DDX54: variants seen among roughly 807,000 people sequenced by gnomAD.
DDX54 encodes DEAD-box helicase 54, also known as ATP-dependent RNA helicase DDX54.
DDX54 carries 67 observed loss-of-function variants against 105.5 expected under a neutral mutation model. That is an observed-to-expected ratio of 0.64 (90% CI 0.52 to 0.78). The LOEUF (loss-of-function observed/expected upper bound fraction) is 0.78. DDX54 is among the 30% of genes least tolerant of loss of function. The pLI, the probability that DDX54 is intolerant of heterozygous loss-of-function variation, is 0.00. For missense variants in DDX54, 1,206 were observed against 1,230.5 expected (o/e 0.98, Z 0.30); for synonymous variants, 514 against 509.9 (o/e 1.01, Z -0.11).
Position 113,177,001 on chromosome 12 carries a change from C to T in DDX54, c.656+51G>A, listed in dbSNP as rs553178304. ...GCCACCACCACAGTTCTCTTACACC[C>T]CCACCACTAGGAAGGGATCTCAGGG... On this transcript the variant is annotated intron_variant, in intron 6 of 19. Coordinates refer to ENST00000306014, the MANE Select transcript of DDX54 (RefSeq NM_024072.4). 60 of 1,613,628 alleles carry T rather than the reference C, an allele frequency of 3.7e-5. 2 individuals carry two copies. The East Asian group carries it at 1.3e-3, about 36-fold the overall frequency.
chr12:113,158,570 CCAT>C lies in DDX54; in HGVS notation c.*304_*306del. The C allele has an allele frequency of 1.7e-5, 6 of 356,760 alleles. No individual in the cohort carries two copies. Among genetic ancestry groups the C allele is most frequent in the Non-Finnish European group, 3.0e-5 (6 of 199,094 alleles). 22.1% of individuals were successfully genotyped at this position (356,760 alleles called of 1,614,324 possible). ...GCACTCAGGGCTCTGACCGGTGCAG[CCAT>C]GACCTCTGAACCCAGAACACATGGA... On this transcript the variant is annotated 3_prime_UTR_variant, in exon 20 of 20. Transcript: ENST00000306014. The surrounding 1 kb of genome is among the most constrained non-coding windows in gnomAD (Gnocchi z 4.9).
In DDX54 at chr12:113,161,973, C is replaced by T. The variant is rs750388968; in HGVS notation, c.2220G>A (p.Val740=). Residue 740 remains valine (V), a synonymous_variant, in exon 18 of 20, where the codon GTG becomes GTA. Coordinates refer to ENST00000306014, the MANE Select transcript of DDX54 (RefSeq NM_024072.4). ...TCTTGTCTTCCTGTCCTGACTGTCC[C>T]ACAAACCGCTTCTTCTTACGGTCCC... ...LKWDRKKKRF[V]GQSGQEDKKK... is the part of the protein sequence containing the mutation. 3.7e-6 allele frequency: 6 copies of T among 1,613,282 alleles called. No individual in the cohort carries two copies. In the African/African-American group the frequency reaches 8.0e-5, roughly 22 times the overall value.
In DDX54 at chr12:113,179,897, C is replaced by A. The variant is rs60638453; in HGVS notation, c.375+38G>T. The A allele has an allele frequency of 5.3e-4, 846 of 1,610,994 alleles. 7 individuals are homozygous for A. In the African/African-American group the frequency reaches 8.4e-3, roughly 16 times the overall value. ...GCCAGAGAGGAGGGCCATGTCACTC[C>A]TCCCTCGCCCTCACCCGTCGACCGC... On this transcript the variant is annotated intron_variant, in intron 3 of 19. Transcript: ENST00000306014.
intron 11 of DDX54, among the ~76,000 whole-genome samples, chr12:113,171,344 G>A (rs1027795119): frequency 7.2e-5 from 11 of 152,302 alleles, no homozygotes; most frequent in African/African-American, 2.6e-4. Context: ...GCTCACGCCT[G>A]TAATCACAGC....
intron 17 of DDX54, 29 bp from the exon 18 acceptor site, chr12:113,162,026 C>G: frequency 6.2e-7 from 1 of 1,607,636 alleles, no homozygotes; most frequent in Non-Finnish European, 8.5e-7. Context: ...GGACGGCTGC[C>G]GTGGAGGGAA....
intron 14 of DDX54, among the ~76,000 whole-genome samples, chr12:113,164,756 C>T (rs1432560632): frequency 1.3e-5 from 2 of 151,598 alleles, no homozygotes; most frequent in Admixed American, 1.3e-4. Context: ...CCAGGCCAGG[C>T]ACCGTGGCTC....
intron 1 of DDX54, among the ~76,000 whole-genome samples, chr12:113,183,222 A>G (rs1952486803): frequency 6.6e-6 from 1 of 152,240 alleles, no homozygotes; most frequent in Admixed American, 6.5e-5. Flanking sequence ...ACGGGCACAG[A>G]GAGGTTAAGC....
rs552504925 is a variant in DDX54, at chr12:113,157,974, G to T, written c.*903C>A. 8.9e-6 allele frequency: 4 copies of T among 447,254 alleles called. No homozygotes were observed. The Admixed American group carries it at 1.4e-4, about 15-fold the overall frequency. The allele number at this position is 447,254 out of a possible 1,614,324, so 27.7% of individuals were successfully genotyped here. On this transcript the variant is annotated 3_prime_UTR_variant, in exon 20 of 20. Coordinates refer to ENST00000306014, the MANE Select transcript of DDX54 (RefSeq NM_024072.4). ...AGGCCCTCCCTGCCAGGGTGGTTGG[G>T]GCATGAAAAAAAACTCTTTGTCAGG...
chr12:113,168,425 G>C (rs1383380955), intron 12 of DDX54, among the ~76,000 whole-genome samples: 4 of 152,256 alleles, frequency 2.6e-5, no homozygotes, highest in African/African-American at 4.8e-5. Flanking sequence ...GTGCATGCGG[G>C]TAGGCCTGTC....
chr12:113,182,448 G>T (rs1952477730), intron 1 of DDX54, among the ~76,000 whole-genome samples: 1 of 152,162 alleles, frequency 6.6e-6, no homozygotes, highest in Non-Finnish European at 1.5e-5. Context: ...TTTACCATCT[G>T]GCCCTTGATA....
rs1952267183 is a variant in DDX54 at position 113,165,869 on chromosome 12, G to A, written c.1578C>T (p.Pro526=). ...QQQYVRSRPA[P]SPESIKRAKE... is the part of the protein sequence containing the mutation. The stretch of plus-strand genomic sequence containing the variant: ...TGGCCCTCTTGATGGACTCAGGCGA[G>A]GGCGCCGGGCGTGAGCGCACATACT... Residue 526 remains proline (P), a synonymous_variant, in exon 13 of 20, where the codon CCC becomes CCT. Coordinates refer to ENST00000306014, the MANE Select transcript of DDX54 (RefSeq NM_024072.4). 1 of 1,613,614 alleles carries A rather than the reference G, an allele frequency of 6.2e-7. No individual in the cohort carries two copies. Among genetic ancestry groups the A allele is most frequent in the Non-Finnish European group, 8.5e-7 (1 of 1,179,966 alleles).
At chr12:113,171,388 G>A (rs1952337652) in intron 11 of DDX54, among the ~76,000 whole-genome samples, 1 of 152,068 alleles carries the variant, frequency 6.6e-6, no homozygotes, top group Admixed American at 6.6e-5. Context: ...CATCACTTGA[G>A]GTTAGGAGTT....
chr12:113,166,564 G>A (rs1952278840), intron 12 of DDX54, among the ~76,000 whole-genome samples: 2 of 152,110 alleles, frequency 1.3e-5, no homozygotes, highest in Non-Finnish European at 2.9e-5. Flanking sequence ...AGCCGGGCAT[G>A]GTGGTGTGCC....
chr12:113,162,001 C>A lies in DDX54; in HGVS notation c.2196-4G>T, dbSNP rs371658984. On this transcript the variant is annotated splice_region_variant and splice_polypyrimidine_tract_variant and intron_variant, in intron 17 of 19. Coordinates refer to ENST00000306014, the MANE Select transcript of DDX54 (RefSeq NM_024072.4). ...AAACCGCTTCTTCTTACGGTCCCTG[C>A]AGGAGAGGGAGTTGGGACGGCTGCC... 5 of 1,612,288 alleles carry A rather than the reference C, an allele frequency of 3.1e-6. No homozygotes were observed. The highest frequency in any genetic ancestry group is 4.2e-6 in the Non-Finnish European group (5 of 1,179,792).
At position 113,165,670 on chromosome 12, in the gene DDX54, T is replaced by C; in HGVS notation, c.1693A>G (p.Ser565Gly). ...EELQRLRLVDSIKNYRSRATI... is the reference protein window; with the variant it reads ...EELQRLRLVDGIKNYRSRATI... ...GCCCGGGAGCGGTAGTTCTTTATGC[T>C]GTCCACCAGCCTCAGCCGCTGCAGC... Residue 565 changes from serine (S) to glycine (G), a missense_variant, in exon 14 of 20, where the codon AGC (serine) becomes GGC (glycine). Coordinates refer to ENST00000306014, the MANE Select transcript of DDX54 (RefSeq NM_024072.4). 2 of 1,613,138 alleles carry C rather than the reference T, an allele frequency of 1.2e-6. No individual in the cohort carries two copies. Among genetic ancestry groups the C allele is most frequent in the Non-Finnish European group, 8.5e-7 (1 of 1,179,520 alleles).
intron 7 of DDX54, among the ~76,000 whole-genome samples, chr12:113,176,344 G>A (rs1320627148): frequency 6.6e-6 from 1 of 152,140 alleles, no homozygotes; most frequent in East Asian, 1.9e-4. Flanking sequence ...GAGGCGGGTG[G>A]ATCACCTGAG....
At chr12:113,170,616 G>A (rs1230041083) in intron 11 of DDX54, among the ~76,000 whole-genome samples, 2 of 152,102 alleles carry the variant, frequency 1.3e-5, no homozygotes, top group African/African-American at 4.8e-5. Context: ...TAGAGCCCAA[G>A]CAACAGAGTG....
rs148940557 is a variant in DDX54 at position 113,163,715 on chromosome 12, G to A, written c.1938+352C>T. 0.011 allele frequency among the ~76,000 whole-genome samples: 1,638 copies of A among 152,118 alleles called. 29 individuals carry two copies. Among genetic ancestry groups the A allele is most frequent in the African/African-American group, 0.038 (1,569 of 41,484 alleles). On this transcript the variant is annotated intron_variant, in intron 15 of 19. Transcript: ENST00000306014. The surrounding 1 kb of genome is among the most constrained non-coding windows in gnomAD (Gnocchi z 5.9). The stretch of plus-strand genomic sequence containing the variant: ...ATGAGAGAGGGACATCCTGGGGGAC[G>A]CACAGGCCCAGGACCCACCCACCAG...
In DDX54 at chr12:113,161,032, C is replaced by T. The variant is rs543022415; in HGVS notation, c.2413+238G>A. Among the ~76,000 whole-genome samples the T allele has an allele frequency of 2.0e-5, 3 of 148,922 alleles. No individual in the cohort carries two copies. The South Asian group carries it at 6.4e-4, about 32-fold the overall frequency. ...ACCTGAGGGGCATGGCACTTCCCAG[C>T]GCCTGTCAGGCGGTGCTCGTGACCA... is the stretch of plus-strand genomic sequence containing the variant. On this transcript the variant is annotated intron_variant, in intron 19 of 19. Coordinates refer to ENST00000306014, the MANE Select transcript of DDX54 (RefSeq NM_024072.4).
Sources: allele counts gnomAD v4.1 joint callset (sites outside exome capture counted in the v4.1 genomes callset), GRCh38; gene constraint gnomAD v4.1.1; non-coding constraint Gnocchi (gnomAD v3.1); transcripts MANE v1.5; gene names NCBI Gene and HGNC (gene_info 2026-07-23, HGNC 2026-07-21).